Variants in ITPK1 observed in about 807,000 individuals in gnomAD.
ITPK1 encodes the protein inositol-tetrakisphosphate 1-kinase, also known as inositol 1,3,4-trisphosphate 5/6-kinase.
Under a neutral mutation model 45.3 loss-of-function variants are expected in ITPK1, and 21 were observed. That is an observed-to-expected ratio of 0.46 (90% CI 0.33 to 0.67). The LOEUF is 0.67. Among genes scored for constraint, ITPK1 ranks in the 30% least tolerant of loss-of-function variants. The probability of loss-of-function intolerance (pLI) is 0.02; values close to 1 mark genes in which losing one functional copy is unlikely to be tolerated. For missense variants in ITPK1, 474 were observed against 573.5 expected, an observed-to-expected ratio of 0.83 and a Z score of 1.77; for synonymous variants, 258 against 253.6, an observed-to-expected ratio of 1.02 and a Z score of -0.16.
At chr14:92,947,376 G>A (rs10143332) in intron 9 of ITPK1, among the ~76,000 whole-genome samples, 3,542 of 152,324 alleles carry the variant, frequency 0.023, 153 homozygotes, top group African/African-American at 0.077. Context: ...TCCTGTGCCT[G>A]TCGCAGCTGG....
chr14:93,050,030 G>A (rs1193124558), intron 3 of ITPK1, among the ~76,000 whole-genome samples: 3 of 152,140 alleles, frequency 2.0e-5, no homozygotes, highest in Admixed American at 1.3e-4. Flanking sequence ...GCTGGGAAGT[G>A]CAACTCCTGC....
At chr14:92,991,708 T>C (rs555743170) in intron 5 of ITPK1, among the ~76,000 whole-genome samples, 6 of 151,928 alleles carry the variant, frequency 3.9e-5, no homozygotes, top group Non-Finnish European at 8.8e-5. Context: ...GTCCACCTCA[T>C]CACCGGGTTC....
Position 92,941,947 on chromosome 14 carries a change from G to C in ITPK1, c.902-43C>G, listed in dbSNP as rs201735187. ...ACAGCACAAGGGGCGTGAGCCAGGG[G>C]CACGCATCATGCAGGGAGGAGGAGG... On this transcript the variant is annotated intron_variant, in intron 10 of 10. Coordinates refer to ENST00000267615, the MANE Select transcript of ITPK1 (RefSeq NM_014216.6). 1.3e-5 allele frequency: 21 copies of C among 1,557,902 alleles called. No individual in the cohort carries two copies. The East Asian group carries it at 4.5e-4, about 34-fold the overall frequency.
At chr14:93,093,801 C>T (rs1891958585) in intron 2 of ITPK1, among the ~76,000 whole-genome samples, 1 of 152,238 alleles carries the variant, frequency 6.6e-6, no homozygotes, top group Non-Finnish European at 1.5e-5. Flanking sequence ...ACTGCCTGGA[C>T]AATCGCAGCA....
chr14:93,093,989 C>A (rs1019663512), intron 2 of ITPK1, among the ~76,000 whole-genome samples: 4 of 152,266 alleles, frequency 2.6e-5, no homozygotes, highest in African/African-American at 9.6e-5. Context: ...TCCAGGTGGA[C>A]TAAACTTCTC....
chr14:92,988,651 G>T (rs1886626309), intron 5 of ITPK1, among the ~76,000 whole-genome samples: 1 of 152,176 alleles, frequency 6.6e-6, no homozygotes, highest in Non-Finnish European at 1.5e-5. Flanking sequence ...TGTGGAAGGG[G>T]TACACACAGG....
chr14:93,016,934 G>T lies in ITPK1; in HGVS notation c.121-133C>A. 2 of 1,170,028 alleles carry T rather than the reference G, an allele frequency of 1.7e-6. No homozygotes were observed. The highest frequency in any genetic ancestry group is 2.4e-6 in the Non-Finnish European group (2 of 835,576). The allele number at this position is 1,170,028 out of a possible 1,614,324, so 72.5% of individuals were successfully genotyped here. A position where few individuals can be genotyped will look rare whatever the true frequency, so the allele number is the denominator to read the frequency against. On this transcript the variant is annotated intron_variant, in intron 3 of 10. Coordinates refer to ENST00000267615, the MANE Select transcript of ITPK1 (RefSeq NM_014216.6). This position sits in a 1 kb window ranked among gnomAD's most constrained non-coding sequence, Gnocchi z 5.0. ...CCTGTAGCACTCTGGAGATGGGGCAGGAGGAGGGCTGACATGGAAAATACA... is the reference window on the plus strand; with the variant it reads ...CCTGTAGCACTCTGGAGATGGGGCATGAGGAGGGCTGACATGGAAAATACA...
rs527326796 is a variant in ITPK1 at position 93,104,279 on chromosome 14, A to C, written c.95+10790T>G. On this transcript the variant is annotated intron_variant, in intron 2 of 10. Coordinates refer to ENST00000267615, the MANE Select transcript of ITPK1 (RefSeq NM_014216.6). ...GTTGAGCAGATCACCTGAGGTCAGGAGTTTGAGACTAGCCTGGCCAACATG... is the reference window on the plus strand; with the variant it reads ...GTTGAGCAGATCACCTGAGGTCAGGCGTTTGAGACTAGCCTGGCCAACATG... 3.8e-3 allele frequency among the ~76,000 whole-genome samples: 579 copies of C among 152,296 alleles called. 2 individuals carry two copies. Among genetic ancestry groups the C allele is most frequent in the African/African-American group, 0.013 (543 of 41,572 alleles).
At position 92,991,079 on chromosome 14, in the gene ITPK1, A is replaced by G. The variant is rs548680461; in HGVS notation, c.364+2801T>C. On this transcript the variant is annotated intron_variant, in intron 5 of 10. Transcript: ENST00000267615. ...GTCTCACCAAGCTCCTTCTCCCAGCACAAAAGCGTGTCACTGGATTGCTGT... is the reference window on the plus strand; with the variant it reads ...GTCTCACCAAGCTCCTTCTCCCAGCGCAAAAGCGTGTCACTGGATTGCTGT... Among the ~76,000 whole-genome samples, 4 of 152,316 alleles carry G rather than the reference A, an allele frequency of 2.6e-5. No individual in the cohort carries two copies. The South Asian group carries it at 8.3e-4, about 32-fold the overall frequency.
intron 2 of ITPK1, among the ~76,000 whole-genome samples, chr14:93,095,344 A>T (rs769726028): frequency 6.6e-6 from 1 of 152,230 alleles, no homozygotes; most frequent in Non-Finnish European, 1.5e-5. Context: ...AGAAGTTAAG[A>T]AGTGCTTTTT....
chr14:93,107,958 G>A (rs1396893676), intron 2 of ITPK1, among the ~76,000 whole-genome samples: 5 of 152,234 alleles, frequency 3.3e-5, no homozygotes, highest in Non-Finnish European at 2.9e-5. Context: ...ACCGTGGGCC[G>A]CAGCCGGGAG....
intron 3 of ITPK1, among the ~76,000 whole-genome samples, chr14:93,039,611 G>C (rs1190503194): frequency 1.3e-5 from 2 of 152,208 alleles, no homozygotes; most frequent in African/African-American, 4.8e-5. Context: ...TCGCAGATCT[G>C]ACTGGTCACT....
At chr14:93,048,626 G>T (rs532087789) in intron 3 of ITPK1, among the ~76,000 whole-genome samples, 1 of 152,198 alleles carries the variant, frequency 6.6e-6, no homozygotes, top group Admixed American at 6.5e-5. Context: ...GGGCCAGGGC[G>T]AAATAGCCAA....
At chr14:92,979,139 A>G (rs1037474602) in intron 5 of ITPK1, among the ~76,000 whole-genome samples, 5 of 152,226 alleles carry the variant, frequency 3.3e-5, no homozygotes, top group Non-Finnish European at 7.3e-5. Flanking sequence ...GAGCTTTAAG[A>G]TTTAATGACT....
At chr14:92,944,156 C>T (rs1359751253) in intron 10 of ITPK1, among the ~76,000 whole-genome samples, 1 of 152,184 alleles carries the variant, frequency 6.6e-6, no homozygotes, top group Non-Finnish European at 1.5e-5. Context: ...TGGAGGGGCC[C>T]TCTCCCAGGC....
chr14:93,020,968 T>C (rs145807111), intron 3 of ITPK1, among the ~76,000 whole-genome samples: 236 of 152,242 alleles, frequency 1.6e-3, no homozygotes, highest in Non-Finnish European at 3.0e-3. Context: ...TTAAATAACA[T>C]GTCACAGTCT....
intron 8 of ITPK1, among the ~76,000 whole-genome samples, chr14:92,953,814 A>G (rs2139722255): frequency 6.6e-6 from 1 of 152,362 alleles, no homozygotes; most frequent in South Asian, 2.1e-4. Flanking sequence ...ATCATGCAAC[A>G]CAACAGTTTC....
At chr14:93,006,003 C>G (rs929302029) in intron 4 of ITPK1, among the ~76,000 whole-genome samples, 2 of 152,214 alleles carry the variant, frequency 1.3e-5, no homozygotes, top group African/African-American at 4.8e-5. Context: ...TCCCACAGAA[C>G]CCCCTGGAAA....
chr14:93,113,049 C>CTTTTCCT (rs1379775429), intron 2 of ITPK1, among the ~76,000 whole-genome samples: 1 of 152,202 alleles, frequency 6.6e-6, no homozygotes, highest in African/African-American at 2.4e-5. Context: ...TTGGTGTTTT[C>CTTTTCCT]TTTTCCTTCT....
Sources: allele counts gnomAD v4.1 joint callset (sites outside exome capture counted in the v4.1 genomes callset), GRCh38; gene constraint gnomAD v4.1.1; non-coding constraint Gnocchi (gnomAD v3.1); transcripts MANE v1.5; gene names NCBI Gene and HGNC (gene_info 2026-07-23, HGNC 2026-07-21).